Variants in CHRFAM7A observed in about 807,000 individuals in gnomAD.
CHRFAM7A encodes the protein CHRNA7 (exons 5-10) and FAM7A (exons A-E) fusion.
Under a neutral mutation model 29.2 loss-of-function variants are expected in CHRFAM7A, and 3 were observed. The ratio of observed to expected loss-of-function variants is 0.10; its 90% CI spans 0.05 to 0.27. The LOEUF (loss-of-function observed/expected upper bound fraction) is 0.27. Ranked by LOEUF, CHRFAM7A falls within the 10% of genes least tolerant of loss-of-function variation. The probability of loss-of-function intolerance (pLI) is 1.00; values close to 1 mark genes in which losing one functional copy is unlikely to be tolerated. For missense variants in CHRFAM7A, 22 were observed against 328.0 expected (o/e 0.07, Z 7.21); for synonymous variants, 7 against 135.4 (o/e 0.05, Z 6.58).
intron 5 of CHRFAM7A, among the ~76,000 whole-genome samples, chr15:30,374,577 G>A (rs2058900747): frequency 6.9e-6 from 1 of 145,442 alleles, no homozygotes; most frequent in Non-Finnish European, 1.5e-5. Flanking sequence ...ACAGAAAGCA[G>A]ATCAGTGGTT....
intron 5 of CHRFAM7A, among the ~76,000 whole-genome samples, chr15:30,374,961 G>GT (rs1478684633): frequency 7.1e-6 from 1 of 141,322 alleles, no homozygotes; most frequent in African/African-American, 2.7e-5. Flanking sequence ...TCCTGCCAGC[G>GT]TAAGGAAGCC....
In CHRFAM7A at chr15:30,373,484, T is replaced by C. The variant is rs939525850; in HGVS notation, c.161-339A>G. Among the ~76,000 whole-genome samples, 2 of 133,522 alleles carry C rather than the reference T, an allele frequency of 1.5e-5. 1 individual carries two copies. Among genetic ancestry groups the C allele is most frequent in the Admixed American group, 1.5e-4 (2 of 13,170 alleles). The allele number at this position is 133,522 out of a possible 152,430, so 87.6% of individuals were successfully genotyped here. On this transcript the variant is annotated intron_variant, in intron 5 of 9. Transcript: ENST00000299847. ...AGAATGCAAAATATCTCAGAGAAGT[T>C]GATAACCCTGATGATGAAGTTAGAA...
rs1168676237 is a variant in CHRFAM7A, at chr15:30,373,949, C to T, written c.161-804G>A. 2.2e-5 allele frequency among the ~76,000 whole-genome samples: 3 copies of T among 138,934 alleles called. No homozygotes were observed. The East Asian group carries it at 6.1e-4, about 28-fold the overall frequency. 91.1% of individuals were successfully genotyped at this position (138,934 alleles called of 152,430 possible). A position where few individuals can be genotyped will look rare whatever the true frequency, so the allele number is the denominator to read the frequency against. ...CCTGCACTCCAGCCTGGGGAACACACCTAGAATCTGTCTGTAAGAAAAAAA... is the reference window on the plus strand; with the variant it reads ...CCTGCACTCCAGCCTGGGGAACACATCTAGAATCTGTCTGTAAGAAAAAAA... On this transcript the variant is annotated intron_variant, in intron 5 of 9. Coordinates refer to ENST00000299847, the MANE Select transcript of CHRFAM7A (RefSeq NM_139320.2).
In CHRFAM7A at chr15:30,375,838, CGTGTGGGTGGT is replaced by C. The variant is rs1337357492; in HGVS notation, c.160+1181_160+1191del. Among the ~76,000 whole-genome samples, 85 of 104,904 alleles carry C rather than the reference CGTGTGGGTGGT, an allele frequency of 8.1e-4. 1 individual carries two copies. Among genetic ancestry groups the C allele is most frequent in the South Asian group, 5.6e-4 (2 of 3,594 alleles). 68.8% of individuals were successfully genotyped at this position (104,904 alleles called of 152,430 possible). A position where few individuals can be genotyped will look rare whatever the true frequency, so the allele number is the denominator to read the frequency against. On this transcript the variant is annotated intron_variant, in intron 5 of 9. Transcript: ENST00000299847. ...TGTGAGTGGTGTGTGAGTGTTGAGT[CGTGTGGGTGGT>C]ATGTGAGTGGTTGTGTGAGTGGTGT...
At chr15:30,376,081 TGAG>T (rs2058931471) in intron 5 of CHRFAM7A, among the ~76,000 whole-genome samples, 5 of 149,072 alleles carry the variant, frequency 3.4e-5, no homozygotes, top group African/African-American at 7.5e-5. Flanking sequence ...ATGAGTGGTG[TGAG>T]TAGTGTGAGT....
At position 30,376,086 on chromosome 15, in the gene CHRFAM7A, A is replaced by G. The variant is rs994142440; in HGVS notation, c.160+944T>C. Among the ~76,000 whole-genome samples the G allele has an allele frequency of 3.9e-4, 57 of 144,682 alleles. 2 individuals carry two copies. Among genetic ancestry groups the G allele is most frequent in the African/African-American group, 1.2e-3 (44 of 37,070 alleles). The allele number at this position is 144,682 out of a possible 152,430, so 94.9% of individuals were successfully genotyped here. ...GGTGGTGTGTATGAGTGGTGTGAGT[A>G]GTGTGAGTGGTGTGAGTGGTGTGTG... On this transcript the variant is annotated intron_variant, in intron 5 of 9. Coordinates refer to ENST00000299847, the MANE Select transcript of CHRFAM7A (RefSeq NM_139320.2).
chr15:30,367,172 G>A (rs1336025180), intron 9 of CHRFAM7A, among the ~76,000 whole-genome samples: 1 of 151,032 alleles, frequency 6.6e-6, no homozygotes, highest in Non-Finnish European at 1.5e-5. Flanking sequence ...TGTAGTCCCA[G>A]CTACTTGGGA....
chr15:30,369,286 G>A (rs1368249120), intron 8 of CHRFAM7A, among the ~76,000 whole-genome samples: 3 of 150,040 alleles, frequency 2.0e-5, no homozygotes, highest in Non-Finnish European at 3.0e-5. Flanking sequence ...TGTTGCTTAG[G>A]CCCCCAGTCT....
At chr15:30,376,212 GGTGT>G (rs1337650134) in intron 5 of CHRFAM7A, among the ~76,000 whole-genome samples, 2 of 145,918 alleles carry the variant, frequency 1.4e-5, no homozygotes, top group Non-Finnish European at 3.0e-5. Flanking sequence ...GGTTGTGAGT[GGTGT>G]GTGTGTGAGT....
At chr15:30,366,782 A>G (rs1206747741) in intron 9 of CHRFAM7A, among the ~76,000 whole-genome samples, 1 of 149,290 alleles carries the variant, frequency 6.7e-6, no homozygotes, top group Non-Finnish European at 1.5e-5. Flanking sequence ...TTCCAACTGC[A>G]GCACAGTGCT....
intron 5 of CHRFAM7A, among the ~76,000 whole-genome samples, chr15:30,373,919 G>A (rs2058893249): frequency 3.0e-5 from 4 of 134,430 alleles, no homozygotes; most frequent in South Asian, 4.9e-4. Context: ...AGCTATGATC[G>A]AGCCCCTGCA....
In CHRFAM7A at chr15:30,361,988, TGGGGAG is replaced by T; in HGVS notation, c.*299_*304del. 1 of 4,882 alleles carries T rather than the reference TGGGGAG, an allele frequency of 2.0e-4. No homozygotes were observed. The highest frequency in any genetic ancestry group is 4.5e-4 in the Non-Finnish European group (1 of 2,222). 0.3% of individuals were successfully genotyped at this position (4,882 alleles called of 1,614,324 possible). A position where few individuals can be genotyped will look rare whatever the true frequency, so the allele number is the denominator to read the frequency against. On this transcript the variant is annotated 3_prime_UTR_variant, in exon 10 of 10. Coordinates refer to ENST00000299847, the MANE Select transcript of CHRFAM7A (RefSeq NM_139320.2). Reference sequence around the variant, plus strand: ...CAACTGTCTCGGTGGTGAGGAGCCATGGGGAGCTCTCCGAAGGGCTTTCCAGGCAGT... The same window carrying T: ...CAACTGTCTCGGTGGTGAGGAGCCATCTCTCCGAAGGGCTTTCCAGGCAGT...
rs200111494 is a variant in CHRFAM7A at position 30,372,977 on chromosome 15, C to T, written c.328+1G>A. The T allele has an allele frequency of 1.9e-4, 299 of 1,602,830 alleles. 14 individuals carry two copies. The South Asian group carries it at 2.4e-3, about 13-fold the overall frequency. ...TCCAGGCGGTTAGTCTCATGGCTTA[C>T]CCACTAGGTCCCATTCTCCATTGGG... is the stretch of plus-strand genomic sequence containing the variant. On this transcript the variant is annotated splice_donor_variant, in intron 6 of 9. Coordinates refer to ENST00000299847, the MANE Select transcript of CHRFAM7A (RefSeq NM_139320.2). LOFTEE classifies it high-confidence loss of function.
At chr15:30,363,308 T>C (rs535769595) in intron 9 of CHRFAM7A, among the ~76,000 whole-genome samples, 79 of 148,436 alleles carry the variant, frequency 5.3e-4, no homozygotes, top group African/African-American at 2.0e-3. Context: ...ACTTGAAGCT[T>C]GAAGCAGTTC....
In CHRFAM7A at chr15:30,371,631, G is replaced by C. The variant is rs1047292860; in HGVS notation, c.524-447C>G. On this transcript the variant is annotated intron_variant, in intron 7 of 9. Coordinates refer to ENST00000299847, the MANE Select transcript of CHRFAM7A (RefSeq NM_139320.2). The stretch of plus-strand genomic sequence containing the variant: ...CTGAACCTCATACTCAGAAGATATG[G>C]GTTTGGGAATGATTTCTACCATATC... 4.4e-4 allele frequency among the ~76,000 whole-genome samples: 65 copies of C among 149,098 alleles called. 2 individuals are homozygous for C. In the Admixed American group the frequency reaches 4.4e-3, roughly 10 times the overall value.
chr15:30,375,640 AGT>A (rs1468114614), intron 5 of CHRFAM7A, among the ~76,000 whole-genome samples: 38 of 139,958 alleles, frequency 2.7e-4, no homozygotes, highest in Non-Finnish European at 4.6e-4. Flanking sequence ...GGTGTGTGAG[AGT>A]GGTGTGTAAG....
At chr15:30,377,866 A>C (rs2058949863) in intron 4 of CHRFAM7A, among the ~76,000 whole-genome samples, 1 of 141,984 alleles carries the variant, frequency 7.0e-6, no homozygotes, top group African/African-American at 2.7e-5. Context: ...TTTACAAGTA[A>C]CACATTTTAA....
At chr15:30,366,723 C>G (rs2058786252) in intron 9 of CHRFAM7A, among the ~76,000 whole-genome samples, 1 of 151,374 alleles carries the variant, frequency 6.6e-6, no homozygotes, top group East Asian at 1.9e-4. Context: ...GCTCCTCATT[C>G]TGTTGTGAAG....
intron 9 of CHRFAM7A, among the ~76,000 whole-genome samples, chr15:30,363,067 G>A (rs1439640549): frequency 2.0e-5 from 3 of 151,710 alleles, no homozygotes; most frequent in Non-Finnish European, 4.4e-5. Flanking sequence ...TGCAATCTCA[G>A]GGAAGACAGC....
Sources: allele counts gnomAD v4.1 joint callset (sites outside exome capture counted in the v4.1 genomes callset), GRCh38; gene constraint gnomAD v4.1.1; transcripts MANE v1.5; gene names NCBI Gene and HGNC (gene_info 2026-07-23, HGNC 2026-07-21).